Variants in SMIM36 observed in about 807,000 individuals in gnomAD.
SMIM36 encodes small integral membrane protein 36.
At chr17:55,451,936 A>G (rs1229898843) in intron 4 of SMIM36, among the ~76,000 whole-genome samples, 1 of 151,990 alleles carries the variant, frequency 6.6e-6, no homozygotes, top group Admixed American at 6.6e-5. Flanking sequence ...GTCGCCACAA[A>G]AAATAAAAAG....
At chr17:55,488,870 T>A (rs7216551) in intron 1 of SMIM36, among the ~76,000 whole-genome samples, 1 of 152,080 alleles carries the variant, frequency 6.6e-6, no homozygotes, top group South Asian at 2.1e-4. Context: ...TGCGTACACC[T>A]GGTAGCAGTA....
At chr17:55,492,242 C>CTTTTTTTTTTTTTTTTTTTT (rs770501215) in intron 1 of SMIM36, among the ~76,000 whole-genome samples, 4 of 111,284 alleles carry the variant, frequency 3.6e-5, no homozygotes, top group Admixed American at 9.7e-5. Flanking sequence ...TTCTTTCTTT[C>CTTTTTTTTTTTTTTTTTTTT]TTTTTTTTTT....
In SMIM36 at chr17:55,504,863, A is replaced by C. The variant is rs1298814585; in HGVS notation, c.*174+6016T>G. Among the ~76,000 whole-genome samples, 4 of 72,886 alleles carry C rather than the reference A, an allele frequency of 5.5e-5. 1 individual carries two copies. The East Asian group carries it at 2.0e-3, about 36-fold the overall frequency. 47.8% of individuals were successfully genotyped at this position (72,886 alleles called of 152,430 possible). On this transcript the variant is annotated intron_variant, in intron 1 of 4. Coordinates refer to ENST00000636752, the Ensembl canonical transcript of SMIM36. Reference sequence around the variant, plus strand: ...TAAAGAAAAAAAGAGAGAAGAATCAAATAGACACAATAAAAAATGACAAAG... The same window carrying C: ...TAAAGAAAAAAAGAGAGAAGAATCACATAGACACAATAAAAAATGACAAAG...
intron 1 of SMIM36, among the ~76,000 whole-genome samples, chr17:55,507,974 A>G (rs938491286): frequency 2.2e-4 from 33 of 152,140 alleles, no homozygotes; most frequent in African/African-American, 7.7e-4. Flanking sequence ...CACTGGAGAA[A>G]CCCTGGGTTG....
the SMIM36 span, among the ~76,000 whole-genome samples, chr17:55,524,418 T>A: frequency 3.3e-5 from 5 of 152,232 alleles, 1 homozygote; most frequent in South Asian, 4.1e-4. Context: ...ATAATTTCTA[T>A]TCCTTTGGTT....
At chr17:55,494,621 C>CGTATGTGTATATGTAATATGT (rs1367042354) in intron 1 of SMIM36, among the ~76,000 whole-genome samples, 54 of 151,894 alleles carry the variant, frequency 3.6e-4, no homozygotes, top group Non-Finnish European at 6.6e-4. Flanking sequence ...TAAGAATATG[C>CGTATGTGTATATGTAATATGT]GTATGTGTAT....
intron 4 of SMIM36, among the ~76,000 whole-genome samples, chr17:55,454,675 T>C (rs1183790054): frequency 6.6e-6 from 1 of 152,242 alleles, no homozygotes; most frequent in Admixed American, 6.5e-5. Flanking sequence ...AAGTGTGTTA[T>C]GGGCTTTCTA....
intron 3 of SMIM36, among the ~76,000 whole-genome samples, chr17:55,474,483 C>T (rs768688934): frequency 6.6e-5 from 10 of 152,190 alleles, no homozygotes; most frequent in Admixed American, 6.5e-5. Flanking sequence ...ACTTGGAGTC[C>T]GGACATCTGT....
At chr17:55,525,020 G>A in the SMIM36 span, among the ~76,000 whole-genome samples, 2 of 152,210 alleles carry the variant, frequency 1.3e-5, no homozygotes, top group Non-Finnish European at 2.9e-5. Flanking sequence ...GACAGGTTGA[G>A]GAAGTTGCCC....
chr17:55,451,298 C>G (rs1908912597), intron 4 of SMIM36, among the ~76,000 whole-genome samples: 1 of 152,214 alleles, frequency 6.6e-6, no homozygotes, highest in African/African-American at 2.4e-5. Flanking sequence ...CTACCAGTGT[C>G]TCCATCCATC....
chr17:55,501,405 T>A (rs1241016583), intron 1 of SMIM36, among the ~76,000 whole-genome samples: 1 of 16,194 alleles, frequency 6.2e-5, no homozygotes, highest in African/African-American at 3.0e-4. Flanking sequence ...TATATATTAT[T>A]ATATATTATA....
intron 3 of SMIM36, among the ~76,000 whole-genome samples, chr17:55,469,250 T>C (rs892868937): frequency 6.6e-6 from 1 of 152,212 alleles, no homozygotes; most frequent in African/African-American, 2.4e-5. Flanking sequence ...GTTCCGCGAC[T>C]AGCTCTTCCC....
chr17:55,463,744 G>A (rs1039216431), intron 4 of SMIM36, among the ~76,000 whole-genome samples: 2 of 152,074 alleles, frequency 1.3e-5, no homozygotes, highest in Non-Finnish European at 2.9e-5. Context: ...CAGGAAGCCT[G>A]GGTAATCTGT....
chr17:55,497,512 G>A (rs1284551004), intron 1 of SMIM36, among the ~76,000 whole-genome samples: 3 of 152,034 alleles, frequency 2.0e-5, no homozygotes, highest in Admixed American at 6.6e-5. Flanking sequence ...TGATCTGCCC[G>A]CCTCGGCCTC....
At chr17:55,519,245 A>T in the SMIM36 span, among the ~76,000 whole-genome samples, 1 of 152,110 alleles carries the variant, frequency 6.6e-6, no homozygotes, top group Non-Finnish European at 1.5e-5. Flanking sequence ...AGCAGATTGG[A>T]GGTTAGTCAG....
At chr17:55,453,231 G>A (rs1908954966) in intron 4 of SMIM36, among the ~76,000 whole-genome samples, 1 of 151,896 alleles carries the variant, frequency 6.6e-6, no homozygotes. Flanking sequence ...GCGGGAAGAT[G>A]GCTTGAGCCC....
chr17:55,529,953 C>A, the SMIM36 span, among the ~76,000 whole-genome samples: 1 of 152,230 alleles, frequency 6.6e-6, no homozygotes, highest in Non-Finnish European at 1.5e-5. Context: ...TGCTGATAAA[C>A]TGAGACTGTT....
the SMIM36 span, among the ~76,000 whole-genome samples, chr17:55,529,807 A>ACAAACAAACAAACAAACAAACAAACAAAC: frequency 2.4e-4 from 36 of 152,250 alleles, no homozygotes; most frequent in African/African-American, 8.4e-4. Context: ...AAACAAACAA[A>ACAAACAAACAAACAAACAAACAAACAAAC]AAACAAAACA....
intron 1 of SMIM36, among the ~76,000 whole-genome samples, chr17:55,480,010 C>T (rs919157924): frequency 2.3e-4 from 35 of 152,102 alleles, no homozygotes; most frequent in Non-Finnish European, 3.4e-4. Context: ...AAGCCTCCCC[C>T]TACTCCCCCA....
Sources: allele counts gnomAD v4.1 joint callset (sites outside exome capture counted in the v4.1 genomes callset), GRCh38; gene constraint gnomAD v4.1.1; transcripts MANE v1.5; gene names NCBI Gene and HGNC (gene_info 2026-07-23, HGNC 2026-07-21).